The following FRMD5 variants were observed in gnomAD, a reference collection of about 807,000 sequenced individuals.
FRMD5 encodes the protein FERM domain-containing protein 5.
FRMD5 carries 20 observed loss-of-function variants against 69.0 expected under a neutral mutation model. The observed-to-expected ratio is 0.29, with a 90% CI of 0.20 to 0.42. FRMD5 has a LOEUF of 0.42. FRMD5 is among the 10% of genes least tolerant of loss of function. FRMD5 has a pLI of 1.00. For synonymous variants in FRMD5, 271 were observed against 260.1 expected (o/e 1.04, Z -0.40); for missense variants, 595 against 708.6 (o/e 0.84, Z 1.82).
chr15:44,197,662 C>T (rs2078321227), upstream of FRMD5, among the ~76,000 whole-genome samples: 1 of 114,840 alleles, frequency 8.7e-6, no homozygotes, highest in Non-Finnish European at 1.6e-5. Context: ...GCCTGGGAGA[C>T]AGCGAGACTC....
At chr15:44,085,113 C>T (rs1183385265) in intron 1 of FRMD5, among the ~76,000 whole-genome samples, 1 of 152,092 alleles carries the variant, frequency 6.6e-6, no homozygotes, top group Non-Finnish European at 1.5e-5. Context: ...TTGGCAATTG[C>T]AACAATCAGT....
chr15:44,127,337 C>T (rs2077037648), intron 1 of FRMD5, among the ~76,000 whole-genome samples: 1 of 152,194 alleles, frequency 6.6e-6, no homozygotes, highest in African/African-American at 2.4e-5. Context: ...AGTGATCTGC[C>T]CGCCTTGATG....
intron 1 of FRMD5, among the ~76,000 whole-genome samples, chr15:43,998,359 A>C (rs139529568): frequency 1.1e-4 from 16 of 152,342 alleles, no homozygotes; most frequent in Non-Finnish European, 1.9e-4. Flanking sequence ...GGACACAGCA[A>C]AAGTATTAAA....
chr15:44,022,584 GAAAAAA>G (rs5812262), intron 1 of FRMD5, among the ~76,000 whole-genome samples: 3 of 73,168 alleles, frequency 4.1e-5, no homozygotes, highest in Non-Finnish European at 7.0e-5. Flanking sequence ...CACTCCACCA[GAAAAAA>G]AAAAAAAAAA....
intron 1 of FRMD5, among the ~76,000 whole-genome samples, chr15:43,974,399 C>CA (rs1162690907): frequency 6.6e-6 from 1 of 152,212 alleles, no homozygotes; most frequent in Non-Finnish European, 1.5e-5. Flanking sequence ...TTATGTGCTG[C>CA]AGGTGCTCAT....
intron 1 of FRMD5, among the ~76,000 whole-genome samples, chr15:44,010,664 C>T (rs1176901220): frequency 2.6e-5 from 4 of 152,116 alleles, no homozygotes; most frequent in South Asian, 2.1e-4. Flanking sequence ...GGATTATAGG[C>T]GTGAGCTACC....
At chr15:43,976,575 G>A (rs2090465999) in intron 1 of FRMD5, among the ~76,000 whole-genome samples, 1 of 152,204 alleles carries the variant, frequency 6.6e-6, no homozygotes, top group South Asian at 2.1e-4. Flanking sequence ...GGCCAAACAG[G>A]TTTATTTACA....
chr15:44,124,720 T>G (rs1016210467), intron 1 of FRMD5, among the ~76,000 whole-genome samples: 2 of 151,846 alleles, frequency 1.3e-5, no homozygotes, highest in Admixed American at 6.6e-5. Context: ...AATAATAATT[T>G]TAAAAAGATG....
intron 1 of FRMD5, among the ~76,000 whole-genome samples, chr15:44,069,134 A>T (rs1473563641): frequency 1.3e-5 from 2 of 152,230 alleles, no homozygotes; most frequent in Non-Finnish European, 2.9e-5. Context: ...AAATATCACT[A>T]CACACCTATC....
At chr15:43,948,115 A>C (rs1309847318) in intron 1 of FRMD5, among the ~76,000 whole-genome samples, 2 of 152,194 alleles carry the variant, frequency 1.3e-5, no homozygotes, top group Non-Finnish European at 1.5e-5. Flanking sequence ...GGGAAAATCA[A>C]AGTACAGAGA....
intron 1 of FRMD5, among the ~76,000 whole-genome samples, chr15:44,157,143 G>A (rs2077541427): frequency 6.6e-6 from 1 of 152,098 alleles, no homozygotes. Context: ...ATTTTTACCT[G>A]TATTATTTTA....
chr15:44,087,796 T>A (rs1370320425), intron 1 of FRMD5, among the ~76,000 whole-genome samples: 1 of 149,966 alleles, frequency 6.7e-6, no homozygotes, highest in Non-Finnish European at 1.5e-5. Flanking sequence ...ATCCCAGGCA[T>A]TGAAGAAGGA....
intron 1 of FRMD5, among the ~76,000 whole-genome samples, chr15:43,996,715 A>ATTTTTTTTTTTTT (rs11397296): frequency 3.4e-4 from 29 of 86,026 alleles, no homozygotes; most frequent in Admixed American, 7.6e-4. Flanking sequence ...TCCTCAGCTG[A>ATTTTTTTTTTTTT]TTTTTTTTTT....
At chr15:44,011,084 G>C (rs187029096) in intron 1 of FRMD5, among the ~76,000 whole-genome samples, 1 of 151,632 alleles carries the variant, frequency 6.6e-6, no homozygotes, top group Non-Finnish European at 1.5e-5. Context: ...GTGGGGTCTT[G>C]TTGCTTCTGC....
At chr15:43,938,093 C>T (rs1447317934) in intron 1 of FRMD5, among the ~76,000 whole-genome samples, 6 of 151,676 alleles carry the variant, frequency 4.0e-5, no homozygotes, top group South Asian at 2.1e-4. Context: ...TAGCCGGGTG[C>T]GGTGGCGGGC....
chr15:44,048,368 G>C (rs1401596070), intron 1 of FRMD5, among the ~76,000 whole-genome samples: 1 of 152,084 alleles, frequency 6.6e-6, no homozygotes, highest in East Asian at 1.9e-4. Flanking sequence ...CTTGTTTGGA[G>C]AAATGTCTAT....
chr15:44,121,361 T>C (rs912819190), intron 1 of FRMD5, among the ~76,000 whole-genome samples: 33 of 151,676 alleles, frequency 2.2e-4, no homozygotes, highest in African/African-American at 7.0e-4. Context: ...TTCAAGGAGA[T>C]TGGCTATGGA....
At chr15:43,889,567 GGACA>G (rs2088747280) in intron 8 of FRMD5, among the ~76,000 whole-genome samples, 1 of 152,182 alleles carries the variant, frequency 6.6e-6, no homozygotes, top group Non-Finnish European at 1.5e-5. Flanking sequence ...ATCACCCGTG[GGACA>G]GACACAAATC....
Position 43,874,275 on chromosome 15 carries a change from C to T in FRMD5, c.1323G>A (p.Glu441=), listed in dbSNP as rs555572283. ...LPTPVAEHSL[E]LMLLSRQING... ...TGATCTGCCGGGAAAGCAACATCAG[C>T]TCCAGGCTGTGCTCAGCCACAGGGG... The change falls in exon 14 of 14, where the codon GAG becomes GAA. Residue 441 remains glutamate, a synonymous_variant. Coordinates refer to ENST00000417257, the MANE Select transcript of FRMD5 (RefSeq NM_032892.5). 6 of 1,614,246 alleles carry T rather than the reference C, an allele frequency of 3.7e-6. No homozygotes were observed. In the African/African-American group the frequency reaches 4.0e-5, roughly 11 times the overall value.
Sources: gnomAD v4.1 joint callset for allele counts (sites outside exome capture counted in the v4.1 genomes callset) on GRCh38, gnomAD v4.1.1 for gene constraint, MANE v1.5 for transcripts, NCBI Gene and HGNC (gene_info 2026-07-23, HGNC 2026-07-21) for gene names.